R3HDM1: variants seen among roughly 807,000 people sequenced by gnomAD.
R3HDM1 encodes the protein R3H domain-containing protein 1.
R3HDM1 carries 46 observed loss-of-function variants against 141.1 expected under a neutral mutation model. That is an observed-to-expected ratio of 0.33 (90% CI 0.26 to 0.42). R3HDM1 has a LOEUF of 0.42. Ranked by LOEUF, R3HDM1 falls within the 10% of genes least tolerant of loss-of-function variation. R3HDM1 has a pLI of 1.00. For synonymous variants in R3HDM1, 435 were observed against 472.9 expected (o/e 0.92, Z 1.04); for missense variants, 1,184 against 1,368.3 (o/e 0.87, Z 2.12).
intron 1 of R3HDM1, among the ~76,000 whole-genome samples, chr2:135,575,955 TGCTGGTGGGACTA>T (rs1391885699): frequency 1.3e-5 from 2 of 152,172 alleles, no homozygotes; most frequent in Non-Finnish European, 2.9e-5. Flanking sequence ...AAAGAAAAAC[TGCTGGTGGGACTA>T]GCTCTACCAG....
rs766935608 is a variant in R3HDM1 at position 135,699,036 on chromosome 2, TAGATAGATA to T, written c.2460-10379_2460-10371del. On this transcript the variant is annotated intron_variant, in intron 21 of 26. Coordinates refer to ENST00000683871, the MANE Select transcript of R3HDM1 (RefSeq NM_001378107.1). ...ATAGATAGATAGATAGATAGATAGA[TAGATAGATA>T]AGATAGATAAGATAGATTGATTAGA... 1.9e-3 allele frequency among the ~76,000 whole-genome samples: 207 copies of T among 108,336 alleles called. 1 individual carries two copies. Among genetic ancestry groups the T allele is most frequent in the Admixed American group, 3.6e-3 (41 of 11,380 alleles). 71.1% of individuals were successfully genotyped at this position (108,336 alleles called of 152,430 possible).
chr2:135,691,520 G>A (rs313531), intron 21 of R3HDM1, among the ~76,000 whole-genome samples: 4,908 of 151,976 alleles, frequency 0.032, 244 homozygotes, highest in African/African-American at 0.1. Context: ...AGGCTGAGGT[G>A]GGATGAGCCC....
chr2:135,668,330 T>C (rs1330570983), intron 19 of R3HDM1, among the ~76,000 whole-genome samples: 2 of 152,252 alleles, frequency 1.3e-5, no homozygotes, highest in Non-Finnish European at 2.9e-5. Context: ...TTTAGTAATC[T>C]TTAATGTTCT....
Position 135,651,776 on chromosome 2 carries a change from A to G in R3HDM1, c.1772A>G (p.Gln591Arg), listed in dbSNP as rs753073859. Reference sequence around the variant, plus strand: ...TTTAGCCACATGAGTCTTGCTCGCCAGCCATCTGCTGATGGTTCTGACCCT... The same window carrying G: ...TTTAGCCACATGAGTCTTGCTCGCCGGCCATCTGCTGATGGTTCTGACCCT... Reference protein sequence around the residue: ...SQFSHMSLARQPSADGSDPHA... With the variant: ...SQFSHMSLARRPSADGSDPHA... The change falls in exon 18 of 27, where the codon CAG becomes CGG. Residue 591 changes from glutamine (Q) to arginine (R), a missense_variant. Coordinates refer to ENST00000683871, the MANE Select transcript of R3HDM1 (RefSeq NM_001378107.1). 6.2e-7 allele frequency: 1 copy of G among 1,613,982 alleles called. No homozygotes were observed. Among genetic ancestry groups the G allele is most frequent in the Non-Finnish European group, 8.5e-7 (1 of 1,179,926 alleles).
intron 21 of R3HDM1, among the ~76,000 whole-genome samples, chr2:135,704,553 C>G (rs2074651248): frequency 6.6e-6 from 1 of 151,324 alleles, no homozygotes; most frequent in African/African-American, 2.4e-5. Flanking sequence ...TCACTGCAAC[C>G]TCTGCCTCCC....
chr2:135,539,313 A>G (rs548421044), intron 1 of R3HDM1, among the ~76,000 whole-genome samples: 1 of 152,334 alleles, frequency 6.6e-6, no homozygotes, highest in Non-Finnish European at 1.5e-5. Context: ...CTATACTTTC[A>G]TATAGTCATA....
chr2:135,670,187 A>G (rs1182128727), intron 19 of R3HDM1: 1 of 414,034 alleles, frequency 2.4e-6, no homozygotes, highest in Non-Finnish European at 3.2e-6. Context: ...TTGTGGTATC[A>G]TTGAAGCAAA....
chr2:135,678,676 C>A (rs570392973), intron 20 of R3HDM1, among the ~76,000 whole-genome samples: 1 of 151,822 alleles, frequency 6.6e-6, no homozygotes, highest in African/African-American at 2.4e-5. Flanking sequence ...CAATAAGTAC[C>A]CAATAATGTT....
At chr2:135,561,767 A>G (rs1701848404) in intron 1 of R3HDM1, among the ~76,000 whole-genome samples, 1 of 152,214 alleles carries the variant, frequency 6.6e-6, no homozygotes. Flanking sequence ...ATTAACTAGA[A>G]TATAATAAAC....
intron 1 of R3HDM1, among the ~76,000 whole-genome samples, chr2:135,533,747 C>T (rs1054937672): frequency 6.6e-6 from 1 of 152,044 alleles, no homozygotes; most frequent in African/African-American, 2.4e-5. Flanking sequence ...CTCATGGTGG[C>T]GGGCACCTGT....
chr2:135,698,537 A>G (rs1220124326), intron 21 of R3HDM1, among the ~76,000 whole-genome samples: 1 of 152,158 alleles, frequency 6.6e-6, no homozygotes, highest in Non-Finnish European at 1.5e-5. Context: ...TTATTTTGTT[A>G]TTATACTTAA....
intron 3 of R3HDM1, among the ~76,000 whole-genome samples, chr2:135,608,685 A>G (rs1023346374): frequency 2.0e-5 from 3 of 152,226 alleles, no homozygotes; most frequent in Non-Finnish European, 2.9e-5. Flanking sequence ...CCTCTAAGGT[A>G]CTGCCTAAAG....
chr2:135,711,963 TAAAAAAAAAAAAA>T (rs35616482), intron 23 of R3HDM1, among the ~76,000 whole-genome samples: 2 of 85,108 alleles, frequency 2.3e-5, no homozygotes, highest in African/African-American at 9.6e-5. Flanking sequence ...TGTCTAAAAT[TAAAAAAAAAAAAA>T]AAAAAAAAAA....
intron 7 of R3HDM1, among the ~76,000 whole-genome samples, chr2:135,630,339 C>T (rs1312075538): frequency 1.5e-5 from 2 of 133,482 alleles, no homozygotes; most frequent in African/African-American, 2.8e-5. Flanking sequence ...CATACTTCTA[C>T]TATCATATAC....
chr2:135,680,687 T>C (rs978718661), intron 21 of R3HDM1, among the ~76,000 whole-genome samples: 1 of 152,184 alleles, frequency 6.6e-6, no homozygotes, highest in Non-Finnish European at 1.5e-5. Flanking sequence ...GCAGAATCTT[T>C]TGAACCCGGG....
At chr2:135,712,749 G>A (rs1294157361) in intron 23 of R3HDM1, among the ~76,000 whole-genome samples, 2 of 151,214 alleles carry the variant, frequency 1.3e-5, no homozygotes, top group African/African-American at 2.4e-5. Flanking sequence ...GTGAAACCCC[G>A]TCTCTACTAA....
Position 135,531,553 on chromosome 2 carries a change from G to T in R3HDM1, c.-330G>T. The T allele has an allele frequency of 1.0e-6, 1 of 985,904 alleles. No homozygotes were observed. The highest frequency in any genetic ancestry group is 1.2e-6 in the Non-Finnish European group (1 of 830,018). The allele number at this position is 985,904 out of a possible 1,614,324, so 61.1% of individuals were successfully genotyped here. A position where few individuals can be genotyped will look rare whatever the true frequency, so the allele number is the denominator to read the frequency against. ...TGATGGGGTTAATTCCCTTTCGTAA[G>T]ACTCTTACTTGCACCCACCCAGCCC... On this transcript the variant is annotated 5_prime_UTR_variant, in exon 1 of 27. Coordinates refer to ENST00000683871, the MANE Select transcript of R3HDM1 (RefSeq NM_001378107.1).
At chr2:135,703,545 A>G (rs1004953169) in intron 21 of R3HDM1, among the ~76,000 whole-genome samples, 2 of 152,118 alleles carry the variant, frequency 1.3e-5, no homozygotes, top group Admixed American at 6.6e-5. Flanking sequence ...AGCTACATTC[A>G]ATGCTCTATG....
In R3HDM1 at chr2:135,711,868, A is replaced by T. The variant is rs761862679; in HGVS notation, c.2736+1637A>T. On this transcript the variant is annotated intron_variant, in intron 23 of 26. Transcript: ENST00000683871. ...CAGCTACTCAGGAAGCTGAGGCAGT[A>T]GAATTGCTTGAACCCAGGAGGCAGA... is the stretch of plus-strand genomic sequence containing the variant. Among the ~76,000 whole-genome samples, 30 of 149,618 alleles carry T rather than the reference A, an allele frequency of 2.0e-4. 1 individual carries two copies. Among genetic ancestry groups the T allele is most frequent in the Admixed American group, 5.4e-4 (8 of 14,912 alleles).
Sources: gnomAD v4.1 joint callset for allele counts (sites outside exome capture counted in the v4.1 genomes callset) on GRCh38, gnomAD v4.1.1 for gene constraint, MANE v1.5 for transcripts, NCBI Gene and HGNC (gene_info 2026-07-23, HGNC 2026-07-21) for gene names.